Variants in ITPK1 observed in about 807,000 individuals in gnomAD.
ITPK1 encodes inositol-tetrakisphosphate 1-kinase, also known as inositol 1,3,4-trisphosphate 5/6-kinase.
In ITPK1, 21 loss-of-function variants were observed where a neutral mutation model predicts 45.3. That is an observed-to-expected ratio of 0.46 (90% confidence interval 0.33 to 0.67). The LOEUF is 0.67. Among genes scored for constraint, ITPK1 ranks in the 30% least tolerant of loss-of-function variants. The pLI is 0.02. For missense variants in ITPK1, 474 were observed against 573.5 expected (o/e 0.83, Z 1.77); for synonymous variants, 258 against 253.6 (o/e 1.02, Z -0.16).
chr14:93,012,988 G>A lies in ITPK1; in HGVS notation c.246+3688C>T, dbSNP rs915113907. Reference sequence around the variant, plus strand: ...CCACACCTGTCAGGTGGCTCTGGGCGCCACAGCGAGGAGAAGGCTCGTGTT... The same window carrying A: ...CCACACCTGTCAGGTGGCTCTGGGCACCACAGCGAGGAGAAGGCTCGTGTT... On this transcript the variant is annotated intron_variant, in intron 4 of 10. Coordinates refer to ENST00000267615, the MANE Select transcript of ITPK1 (RefSeq NM_014216.6). The surrounding 1 kb of genome is among the most constrained non-coding windows in gnomAD (Gnocchi z 4.9). 2.0e-5 allele frequency among the ~76,000 whole-genome samples: 3 copies of A among 152,036 alleles called. No homozygotes were observed. Among genetic ancestry groups the A allele is most frequent in the East Asian group, 1.9e-4 (1 of 5,156 alleles).
intron 9 of ITPK1, among the ~76,000 whole-genome samples, chr14:92,949,764 G>C (rs193059296): frequency 8.7e-4 from 133 of 152,372 alleles, no homozygotes; most frequent in Non-Finnish European, 1.3e-3. Context: ...TCTCGGCCTG[G>C]TTGCAGAATC....
At chr14:93,086,812 G>C (rs1891668620) in intron 2 of ITPK1, among the ~76,000 whole-genome samples, 1 of 152,180 alleles carries the variant, frequency 6.6e-6, no homozygotes, top group South Asian at 2.1e-4. Flanking sequence ...GGGTTTCCTG[G>C]GGCCCCCCAG....
Position 93,036,862 on chromosome 14 carries a change from G to A in ITPK1, c.121-20061C>T, listed in dbSNP as rs1419851284. The stretch of plus-strand genomic sequence containing the variant: ...AGGGACCTACCTGCTGTCAAGGGGT[G>A]GAAGCCCCAAACCTCAGTGCTTGTG... On this transcript the variant is annotated intron_variant, in intron 3 of 10. Transcript: ENST00000267615. This position sits in a 1 kb window ranked among gnomAD's most constrained non-coding sequence, Gnocchi z 4.1. 1 of 152,338 alleles carries A rather than the reference G, an allele frequency of 6.6e-6. No individual in the cohort carries two copies. The highest frequency in any genetic ancestry group is 2.4e-5 in the African/African-American group (1 of 41,472). The allele number at this position is 152,338 out of a possible 1,614,324, so 9.4% of individuals were successfully genotyped here. A position where few individuals can be genotyped will look rare whatever the true frequency, so the allele number is the denominator to read the frequency against.
At chr14:93,009,150 T>G (rs1394113265) in intron 4 of ITPK1, among the ~76,000 whole-genome samples, 2 of 152,202 alleles carry the variant, frequency 1.3e-5, no homozygotes, top group Non-Finnish European at 2.9e-5. Context: ...CTGTATTGCC[T>G]GGGATAGCCC....
At chr14:93,007,284 A>C (rs1415561508) in intron 4 of ITPK1, among the ~76,000 whole-genome samples, 2 of 152,096 alleles carry the variant, frequency 1.3e-5, no homozygotes, top group Non-Finnish European at 2.9e-5. Context: ...TGTATACAAT[A>C]ATACACAGAA....
At chr14:92,972,803 C>A (rs1012938820) in intron 5 of ITPK1, among the ~76,000 whole-genome samples, 3 of 152,332 alleles carry the variant, frequency 2.0e-5, no homozygotes, top group African/African-American at 7.2e-5. Context: ...GTTGGCCAGG[C>A]TGGTCTTGAA....
rs532568790 is a variant in ITPK1 at position 92,958,759 on chromosome 14, G to A, written c.505-393C>T. 2.4e-3 allele frequency among the ~76,000 whole-genome samples: 372 copies of A among 152,300 alleles called. 1 individual carries two copies. Among genetic ancestry groups the A allele is most frequent in the Non-Finnish European group, 4.4e-3 (302 of 68,024 alleles). On this transcript the variant is annotated intron_variant, in intron 7 of 10. Coordinates refer to ENST00000267615, the MANE Select transcript of ITPK1 (RefSeq NM_014216.6). This position sits in a 1 kb window ranked among gnomAD's most constrained non-coding sequence, Gnocchi z 4.4. Reference sequence around the variant, plus strand: ...ACAAAGACCCGGGAGGAGGAAGGAAGCAGATGACTCGGGCGCAGGAGTCAG... The same window carrying A: ...ACAAAGACCCGGGAGGAGGAAGGAAACAGATGACTCGGGCGCAGGAGTCAG...
At chr14:92,949,139 G>A (rs1437333367) in intron 9 of ITPK1, among the ~76,000 whole-genome samples, 2 of 151,410 alleles carry the variant, frequency 1.3e-5, no homozygotes, top group African/African-American at 2.4e-5. Context: ...TGTTGCCCAG[G>A]CTACAGTGCA....
chr14:92,986,050 T>C (rs780829267), intron 5 of ITPK1, among the ~76,000 whole-genome samples: 3 of 152,168 alleles, frequency 2.0e-5, no homozygotes, highest in Non-Finnish European at 4.4e-5. Context: ...TGCAGAGATG[T>C]GGGTCCCATG....
intron 3 of ITPK1, among the ~76,000 whole-genome samples, chr14:93,066,744 G>A (rs558415048): frequency 1.3e-5 from 2 of 152,190 alleles, no homozygotes; most frequent in South Asian, 2.1e-4. Context: ...AAATATGAGA[G>A]CAGGGAAGGG....
intron 3 of ITPK1, among the ~76,000 whole-genome samples, chr14:93,031,722 C>T (rs1338757677): frequency 6.6e-6 from 1 of 152,152 alleles, no homozygotes; most frequent in Non-Finnish European, 1.5e-5. Flanking sequence ...GACTTCATGT[C>T]CCCAGACTCC....
Position 92,938,186 on chromosome 14 carries a change from T to C in ITPK1, c.*3375A>G. ...TGTTGGCCAGGATGGTGTCGATCTC[T>C]TGACCTTGTGATCCACCTGCCTCAG... is the stretch of plus-strand genomic sequence containing the variant. On this transcript the variant is annotated 3_prime_UTR_variant, in exon 11 of 11. Coordinates refer to ENST00000267615, the MANE Select transcript of ITPK1 (RefSeq NM_014216.6). 1 of 494,752 alleles carries C rather than the reference T, an allele frequency of 2.0e-6. No individual in the cohort carries two copies. The allele number at this position is 494,752 out of a possible 1,614,324, so 30.6% of individuals were successfully genotyped here.
chr14:92,965,154 A>C (rs563913383), intron 5 of ITPK1, among the ~76,000 whole-genome samples: 7 of 152,312 alleles, frequency 4.6e-5, no homozygotes, highest in African/African-American at 1.7e-4. Context: ...TCCCTGGCTC[A>C]GGGGGTTCCT....
At chr14:93,108,536 T>A (rs1282316278) in intron 2 of ITPK1, among the ~76,000 whole-genome samples, 1 of 152,218 alleles carries the variant, frequency 6.6e-6, no homozygotes, top group Non-Finnish European at 1.5e-5. Context: ...GTGCCTGCAG[T>A]CAGCCCCCAG....
intron 3 of ITPK1, among the ~76,000 whole-genome samples, chr14:93,030,668 T>C (rs569570857): frequency 1.9e-4 from 29 of 151,392 alleles, no homozygotes; most frequent in Non-Finnish European, 3.1e-4. Flanking sequence ...GAGGGCATGA[T>C]AGGAAAGGGG....
At position 92,941,419 on chromosome 14, in the gene ITPK1, C is replaced by T. The variant is rs1887387397; in HGVS notation, c.*142G>A. Reference sequence around the variant, plus strand: ...CCACTACCCCTCATTTAGATCATGACATCAGAGAATCAGGTTAAAAATTAA... The same window carrying T: ...CCACTACCCCTCATTTAGATCATGATATCAGAGAATCAGGTTAAAAATTAA... On this transcript the variant is annotated 3_prime_UTR_variant, in exon 11 of 11. Transcript: ENST00000267615. The T allele has an allele frequency of 7.0e-7, 1 of 1,420,688 alleles. No individual in the cohort carries two copies. Among genetic ancestry groups the T allele is most frequent in the South Asian group, 1.5e-5 (1 of 65,394 alleles). 88.0% of individuals were successfully genotyped at this position (1,420,688 alleles called of 1,614,324 possible). A position where few individuals can be genotyped will look rare whatever the true frequency, so the allele number is the denominator to read the frequency against.
chr14:93,051,978 C>T (rs1890034230), intron 3 of ITPK1, among the ~76,000 whole-genome samples: 2 of 152,218 alleles, frequency 1.3e-5, no homozygotes. Flanking sequence ...ACTCTGAGGG[C>T]ACCACCATCT....
Position 92,958,117 on chromosome 14 carries a change from G to T in ITPK1, c.670+84C>A. The T allele has an allele frequency of 7.3e-7, 1 of 1,368,290 alleles. No homozygotes were observed. Among genetic ancestry groups the T allele is most frequent in the Non-Finnish European group, 1.0e-6 (1 of 962,318 alleles). The allele number at this position is 1,368,290 out of a possible 1,614,324, so 84.8% of individuals were successfully genotyped here. On this transcript the variant is annotated intron_variant, in intron 8 of 10. Coordinates refer to ENST00000267615, the MANE Select transcript of ITPK1 (RefSeq NM_014216.6). This position sits in a 1 kb window ranked among gnomAD's most constrained non-coding sequence, Gnocchi z 4.4. Reference sequence around the variant, plus strand: ...CCAAGAACACAGGGTGGTTGGGGCAGTGCCGAAGGACAGACAGCTGCTGCC... The same window carrying T: ...CCAAGAACACAGGGTGGTTGGGGCATTGCCGAAGGACAGACAGCTGCTGCC...
rs1480743388 is a variant in ITPK1 at position 93,032,181 on chromosome 14, C to T, written c.121-15380G>A. 6.6e-6 allele frequency among the ~76,000 whole-genome samples: 1 copy of T among 152,150 alleles called. No homozygotes were observed. The highest frequency in any genetic ancestry group is 1.5e-5 in the Non-Finnish European group (1 of 68,046). On this transcript the variant is annotated intron_variant, in intron 3 of 10. Transcript: ENST00000267615. This position sits in a 1 kb window ranked among gnomAD's most constrained non-coding sequence, Gnocchi z 4.0. ...CCTGGGCAACACAGTGAAACCCCATCTCTACTAAAAGTGCAAAAATTAGCT... is the reference window on the plus strand; with the variant it reads ...CCTGGGCAACACAGTGAAACCCCATTTCTACTAAAAGTGCAAAAATTAGCT...
Sources: allele counts gnomAD v4.1 joint callset (sites outside exome capture counted in the v4.1 genomes callset), GRCh38; gene constraint gnomAD v4.1.1; non-coding constraint Gnocchi (gnomAD v3.1); transcripts MANE v1.5; gene names NCBI Gene and HGNC (gene_info 2026-07-23, HGNC 2026-07-21).